Variants in INPP5K observed in about 807,000 individuals in gnomAD.
The protein encoded by INPP5K is inositol polyphosphate 5-phosphatase K.
In INPP5K, 35 loss-of-function variants were observed where a neutral mutation model predicts 53.5. The ratio of observed to expected loss-of-function variants is 0.65; its 90% CI spans 0.50 to 0.87. INPP5K has a LOEUF of 0.87. Among genes scored for constraint, INPP5K ranks in the 40% least tolerant of loss-of-function variants. The pLI is 0.00. For synonymous variants in INPP5K, 253 were observed against 232.8 expected (o/e 1.09, Z -0.79); for missense variants, 550 against 586.2 (o/e 0.94, Z 0.64).
chr17:1,506,003 G>A lies in INPP5K; in HGVS notation c.776+977C>T, dbSNP rs577109846. Among the ~76,000 whole-genome samples, 10 of 152,204 alleles carry A rather than the reference G, an allele frequency of 6.6e-5. No homozygotes were observed. The East Asian group carries it at 9.7e-4, about 15-fold the overall frequency. On this transcript the variant is annotated intron_variant, in intron 7 of 11. Coordinates refer to ENST00000421807, the MANE Select transcript of INPP5K (RefSeq NM_016532.4). The stretch of plus-strand genomic sequence containing the variant: ...GAAAGGTTTTTAGTAAATCTATCAC[G>A]GGAAGACATGAATCTATTTATTTTA...
intron 1 of INPP5K, among the ~76,000 whole-genome samples, chr17:1,514,458 C>A (rs1252561727): frequency 5.9e-5 from 9 of 152,134 alleles, no homozygotes; most frequent in Non-Finnish European, 1.0e-4. Context: ...GCTGTCCGTC[C>A]TCACCTTTCT....
intron 3 of INPP5K, among the ~76,000 whole-genome samples, chr17:1,511,478 G>A (rs193175680): frequency 2.0e-5 from 3 of 152,276 alleles, no homozygotes; most frequent in Non-Finnish European, 2.9e-5. Flanking sequence ...GGTGGGGAGC[G>A]TGTACTGGGG....
At chr17:1,515,782 C>G in intron 1 of INPP5K, 1 of 650,860 alleles carries the variant, frequency 1.5e-6, no homozygotes, top group Non-Finnish European at 1.9e-6. Context: ...CCCAGGCACT[C>G]GGCCTGAGAT....
chr17:1,516,230 G>A (rs1036357272), intron 1 of INPP5K: 1 of 880,544 alleles, frequency 1.1e-6, no homozygotes, highest in Non-Finnish European at 1.6e-6. Context: ...AAGCAACCGG[G>A]ACACCTGCTG....
chr17:1,510,239 CG>C (rs1567562131), intron 3 of INPP5K, among the ~76,000 whole-genome samples: 1 of 151,830 alleles, frequency 6.6e-6, no homozygotes, highest in Non-Finnish European at 1.5e-5. Flanking sequence ...TTTTTTGAGA[CG>C]GAGTCTCGCT....
intron 8 of INPP5K, among the ~76,000 whole-genome samples, chr17:1,497,066 A>G (rs1356781827): frequency 6.6e-6 from 1 of 152,212 alleles, no homozygotes; most frequent in Non-Finnish European, 1.5e-5. Context: ...GAGCAGAGGC[A>G]CGGCTGAGAG....
chr17:1,496,001 G>T, intron 11 of INPP5K, 59 bp downstream of exon 11: 1 of 1,437,640 alleles, frequency 7.0e-7, no homozygotes, highest in Non-Finnish European at 9.8e-7. Context: ...CTGGGCCTCA[G>T]GGAGCCAGTG....
In INPP5K at chr17:1,496,125, C is replaced by T. The variant is rs2074829719; in HGVS notation, c.1225G>A (p.Glu409Lys). ...DISNIPTTED[E>K]FLLCYYSNSL... ...TTGCTGTAGTAACAGAGGAGAAACTCATCTTCAGTGGTAGGGATATTGCTG... is the reference window on the plus strand; with the variant it reads ...TTGCTGTAGTAACAGAGGAGAAACTTATCTTCAGTGGTAGGGATATTGCTG... Residue 409 changes from glutamate (E) to lysine (K), a missense_variant, in exon 11 of 12, where the codon GAG becomes AAG. Glu to Lys is a moderately conservative substitution (Grantham distance 56). Coordinates refer to ENST00000421807, the MANE Select transcript of INPP5K (RefSeq NM_016532.4). 6.2e-7 allele frequency: 1 copy of T among 1,613,620 alleles called. No individual in the cohort carries two copies. Among genetic ancestry groups the T allele is most frequent in the Non-Finnish European group, 8.5e-7 (1 of 1,179,576 alleles).
chr17:1,516,166 C>A, intron 1 of INPP5K: 4 of 1,214,404 alleles, frequency 3.3e-6, no homozygotes, highest in South Asian at 2.0e-5. Context: ...CGAAGGGTGA[C>A]GGCCTCGTTA....
intron 7 of INPP5K, among the ~76,000 whole-genome samples, chr17:1,500,689 T>C (rs148412420): frequency 4.3e-4 from 66 of 152,190 alleles, no homozygotes; most frequent in African/African-American, 1.6e-3. Context: ...ACCAGTATTA[T>C]ACGATTACAC....
rs146547323 is a variant in INPP5K at position 1,504,210 on chromosome 17, T to C, written c.776+2770A>G. Among the ~76,000 whole-genome samples the C allele has an allele frequency of 1.3e-3, 193 of 152,268 alleles. 2 individuals are homozygous for C. Among genetic ancestry groups the C allele is most frequent in the Admixed American group, 2.5e-3 (38 of 15,300 alleles). ...CAGATCGTCTCTGCTCTCTGGGCAA[T>C]CACAGTACAGTAAGAAAGGTACGCT... On this transcript the variant is annotated intron_variant, in intron 7 of 11. Coordinates refer to ENST00000421807, the MANE Select transcript of INPP5K (RefSeq NM_016532.4).
chr17:1,496,595 TC>T, intron 9 of INPP5K, 70 bp downstream of exon 9: 1 of 1,588,464 alleles, frequency 6.3e-7, no homozygotes, highest in Non-Finnish European at 8.6e-7. Flanking sequence ...TCTGCCCAGC[TC>T]CCAGGAGCCC....
At chr17:1,502,267 T>C (rs1021755567) in intron 7 of INPP5K, among the ~76,000 whole-genome samples, 1 of 152,182 alleles carries the variant, frequency 6.6e-6, no homozygotes, top group African/African-American at 2.4e-5. Flanking sequence ...GAGAATGGCG[T>C]GAACCCGGGA....
rs555570508 is a variant in INPP5K at position 1,512,834 on chromosome 17, T to G, written c.261+619A>C. On this transcript the variant is annotated intron_variant, in intron 3 of 11. Coordinates refer to ENST00000421807, the MANE Select transcript of INPP5K (RefSeq NM_016532.4). ...TCCCGTATGACCTGAGGATACCCTA[T>G]GACACCAGCAGGCTAGCCACGCCTA... Among the ~76,000 whole-genome samples, 3 of 152,282 alleles carry G rather than the reference T, an allele frequency of 2.0e-5. No individual in the cohort carries two copies. The East Asian group carries it at 5.8e-4, about 29-fold the overall frequency.
rs561966426 is a variant in INPP5K, at chr17:1,502,102, C to A, written c.777-3980G>T. On this transcript the variant is annotated intron_variant, in intron 7 of 11. Transcript: ENST00000421807. ...CGGTGGCTCACGCCTGTAATCCCAGCACTTTGGGAGGCCAAGGCGGGCAGA... is the reference window on the plus strand; with the variant it reads ...CGGTGGCTCACGCCTGTAATCCCAGAACTTTGGGAGGCCAAGGCGGGCAGA... 4.4e-4 allele frequency among the ~76,000 whole-genome samples: 67 copies of A among 151,738 alleles called. 1 individual carries two copies. The Middle Eastern group carries it at 0.017, about 39-fold the overall frequency.
At position 1,513,528 on chromosome 17, in the gene INPP5K, G is replaced by C. The variant is rs1191234462; in HGVS notation, c.186C>G (p.Leu62=). The change falls in exon 3 of 12, where the codon CTC becomes CTG. Residue 62 remains leucine, a synonymous_variant. Transcript: ENST00000421807. ...LQELNSGIIS[L]LSDAAFNDSW... is the part of the protein sequence containing the mutation. ...AGTCATTAAAGGCAGCATCGGAAAGGAGGCTTATGATCCCAGAGTTCAATT... is the reference window on the plus strand; with the variant it reads ...AGTCATTAAAGGCAGCATCGGAAAGCAGGCTTATGATCCCAGAGTTCAATT... 1 of 1,614,244 alleles carries C rather than the reference G, an allele frequency of 6.2e-7. No individual in the cohort carries two copies. Among genetic ancestry groups the C allele is most frequent in the Admixed American group, 1.7e-5 (1 of 60,024 alleles).
chr17:1,502,744 T>C (rs1449214253), intron 7 of INPP5K, among the ~76,000 whole-genome samples: 1 of 152,164 alleles, frequency 6.6e-6, no homozygotes, highest in African/African-American at 2.4e-5. Flanking sequence ...TGTTTTTCTT[T>C]AGAGACAGGG....
intron 7 of INPP5K, among the ~76,000 whole-genome samples, chr17:1,502,088 G>A (rs113368712): frequency 0.21 from 31,711 of 150,778 alleles, 3,558 homozygotes; most frequent in African/African-American, 0.29. Flanking sequence ...GGTGGCTCAC[G>A]CCTGTAATCC....
At position 1,495,212 on chromosome 17, in the gene INPP5K, G is replaced by C. The variant is rs534460323; in HGVS notation, c.*611C>G. The C allele has an allele frequency of 6.6e-6, 1 of 152,404 alleles. No homozygotes were observed. The highest frequency in any genetic ancestry group is 2.1e-4 in the South Asian group (1 of 4,830). The allele number at this position is 152,404 out of a possible 1,614,324, so 9.4% of individuals were successfully genotyped here. On this transcript the variant is annotated 3_prime_UTR_variant, in exon 12 of 12. Coordinates refer to ENST00000421807, the MANE Select transcript of INPP5K (RefSeq NM_016532.4). ...AGTAGGGAGGAAGGTTGTGCTGGCC[G>C]AAGGACCCTCATCAACCTGCTCATA...
Sources: allele counts gnomAD v4.1 joint callset (sites outside exome capture counted in the v4.1 genomes callset), GRCh38; gene constraint gnomAD v4.1.1; transcripts MANE v1.5; gene names NCBI Gene and HGNC (gene_info 2026-07-23, HGNC 2026-07-21).